The following HNF4G variants were observed in gnomAD, a reference collection of about 807,000 sequenced individuals.
HNF4G encodes hepatocyte nuclear factor 4 gamma.
Under a neutral mutation model 50.9 loss-of-function variants are expected in HNF4G, and 21 were observed. The observed-to-expected ratio is 0.41, with a 90% CI of 0.29 to 0.59. HNF4G has a LOEUF of 0.59. Among genes scored for constraint, HNF4G ranks in the 20% least tolerant of loss-of-function variants. The pLI, the probability that HNF4G is intolerant of heterozygous loss-of-function variation, is 0.26. For missense variants in HNF4G, 527 were observed against 559.4 expected, an observed-to-expected ratio of 0.94 and a Z score of 0.58; for synonymous variants, 198 against 185.6, an observed-to-expected ratio of 1.07 and a Z score of -0.54.
At chr8:75,469,357 C>T (rs1186703160) in intron 1 of HNF4G, among the ~76,000 whole-genome samples, 3 of 152,140 alleles carry the variant, frequency 2.0e-5, no homozygotes, top group Non-Finnish European at 2.9e-5. Context: ...AATCCTAGTA[C>T]TAGGCACTGA....
rs542660282 is a variant in HNF4G, at chr8:75,450,353, T to C, written c.-143-39736T>C. Among the ~76,000 whole-genome samples the C allele has an allele frequency of 6.1e-4, 93 of 152,276 alleles. 2 individuals carry two copies. The highest frequency in any genetic ancestry group is 1.2e-3 in the Non-Finnish European group (85 of 68,014). On this transcript the variant is annotated intron_variant, in intron 1 of 10. Transcript: ENST00000354370. ...AGGGATCTCATATATTTGATCCAAT[T>C]CCAATCAGAAAAATAATAAAACAAA...
At chr8:75,520,776 T>C (rs1806019846) in intron 2 of HNF4G, among the ~76,000 whole-genome samples, 1 of 152,152 alleles carries the variant, frequency 6.6e-6, no homozygotes, top group Admixed American at 6.5e-5. Flanking sequence ...AATTCATGTT[T>C]CTTTTTTTCT....
At chr8:75,465,521 A>T (rs1811948803) in intron 1 of HNF4G, among the ~76,000 whole-genome samples, 2 of 152,188 alleles carry the variant, frequency 1.3e-5, no homozygotes, top group African/African-American at 4.8e-5. Flanking sequence ...AACCAATTAT[A>T]TAACCAGAAA....
rs548247989 is a variant in HNF4G, at chr8:75,449,745, G to T, written c.-143-40344G>T. Among the ~76,000 whole-genome samples, 10 of 151,994 alleles carry T rather than the reference G, an allele frequency of 6.6e-5. No homozygotes were observed. The South Asian group carries it at 1.9e-3, about 28-fold the overall frequency. On this transcript the variant is annotated intron_variant, in intron 1 of 10. Coordinates refer to the HNF4G transcript ENST00000354370. ...GATGGTCTCGATCTCCTGACCTCGT[G>T]ATCCGCCCCCCTTGGCCTCCCAAAG...
chr8:75,563,256 G>C (rs976002546), intron 9 of HNF4G, among the ~76,000 whole-genome samples: 10 of 152,052 alleles, frequency 6.6e-5, no homozygotes, highest in African/African-American at 2.4e-4. Context: ...AATATGGTTA[G>C]ATTTTACAAT....
exon 2 of HNF4G, chr8:75,490,120 T>C (rs1287145607): frequency 6.6e-6 from 1 of 152,670 alleles, no homozygotes; most frequent in Non-Finnish European, 1.5e-5. Context: ...GTCTGAGATA[T>C]TGACACTACA....
intron 1 of HNF4G, among the ~76,000 whole-genome samples, chr8:75,483,438 C>T (rs190339978): frequency 9.9e-4 from 150 of 152,226 alleles, no homozygotes; most frequent in Non-Finnish European, 1.9e-3. Flanking sequence ...TAAAAAGGAA[C>T]AGTCCACCCA....
chr8:75,475,552 G>C (rs977843276), intron 1 of HNF4G, among the ~76,000 whole-genome samples: 32 of 152,196 alleles, frequency 2.1e-4, no homozygotes, highest in African/African-American at 6.7e-4. Context: ...ACTGTCTCTA[G>C]GCAAGGCCAG....
At chr8:75,472,008 C>G (rs1194561542) in intron 1 of HNF4G, among the ~76,000 whole-genome samples, 1 of 152,096 alleles carries the variant, frequency 6.6e-6, no homozygotes, top group East Asian at 1.9e-4. Context: ...ATAACAATAC[C>G]TGTCTTGTGA....
chr8:75,483,232 T>G (rs1485687321), intron 1 of HNF4G, among the ~76,000 whole-genome samples: 13 of 149,456 alleles, frequency 8.7e-5, no homozygotes, highest in Non-Finnish European at 1.3e-4. Flanking sequence ...TATTTATTCA[T>G]TTATTTCAAA....
intron 1 of HNF4G, among the ~76,000 whole-genome samples, chr8:75,445,100 A>C (rs1438912622): frequency 6.9e-6 from 1 of 145,934 alleles, no homozygotes; most frequent in Non-Finnish European, 1.5e-5. Context: ...CAGTGCAATC[A>C]AACTAGAACT....
intron 5 of HNF4G, among the ~76,000 whole-genome samples, chr8:75,553,477 G>A (rs893161706): frequency 1.3e-5 from 2 of 152,220 alleles, no homozygotes; most frequent in East Asian, 1.9e-4. Flanking sequence ...TCATGTGAGG[G>A]AGAAAGGTAG....
chr8:75,408,900 T>C (rs1810426510), intron 1 of HNF4G, among the ~76,000 whole-genome samples: 1 of 152,250 alleles, frequency 6.6e-6, no homozygotes, highest in Non-Finnish European at 1.5e-5. Context: ...GTTTTGTTTT[T>C]GTTAGTTTCT....
chr8:75,537,774 TA>T (rs1356732430), upstream of HNF4G, among the ~76,000 whole-genome samples: 1 of 152,130 alleles, frequency 6.6e-6, no homozygotes, highest in Non-Finnish European at 1.5e-5. Context: ...AAAAATTTAG[TA>T]AAGAACCCCA....
chr8:75,451,128 GC>G (rs1340114664), intron 1 of HNF4G, among the ~76,000 whole-genome samples: 5 of 152,110 alleles, frequency 3.3e-5, no homozygotes, highest in African/African-American at 4.8e-5. Flanking sequence ...CCATGTGTAT[GC>G]CTTTTTTTTT....
intron 1 of HNF4G, among the ~76,000 whole-genome samples, chr8:75,463,058 GT>G (rs1219575361): frequency 7.6e-6 from 1 of 131,040 alleles, no homozygotes; most frequent in Non-Finnish European, 1.6e-5. Flanking sequence ...ATGTCTGCTT[GT>G]TTTTTTGTTT....
In HNF4G at chr8:75,477,743, A is replaced by C. The variant is rs191296150; in HGVS notation, c.-143-12346A>C. On this transcript the variant is annotated intron_variant, in intron 1 of 10. Coordinates refer to the HNF4G transcript ENST00000354370. The stretch of plus-strand genomic sequence containing the variant: ...AGCACTTTGGGAGGCCGAAGTGGGC[A>C]GATCACCTGAGGTTGGGAGTTTAAG... Among the ~76,000 whole-genome samples the C allele has an allele frequency of 2.2e-3, 326 of 151,352 alleles. 2 individuals are homozygous for C. Among genetic ancestry groups the C allele is most frequent in the African/African-American group, 7.6e-3 (315 of 41,286 alleles).
chr8:75,431,369 CTT>C (rs1427759529), intron 1 of HNF4G, among the ~76,000 whole-genome samples: 2 of 152,108 alleles, frequency 1.3e-5, no homozygotes, highest in Non-Finnish European at 2.9e-5. Context: ...CAAAACAAAT[CTT>C]AAGTTAATTA....
At chr8:75,552,948 C>A in intron 4 of HNF4G, 94 bp from the exon 5 acceptor site, 1 of 776,470 alleles carries the variant, frequency 1.3e-6, no homozygotes, top group South Asian at 2.0e-5. Flanking sequence ...GTGCCTACTT[C>A]TATGGCCTTT....
Sources: gnomAD v4.1 joint callset for allele counts (sites outside exome capture counted in the v4.1 genomes callset) on GRCh38, gnomAD v4.1.1 for gene constraint, MANE v1.5 for transcripts, NCBI Gene and HGNC (gene_info 2026-07-23, HGNC 2026-07-21) for gene names.